Variants in ITCH observed in about 807,000 individuals in gnomAD.
ITCH encodes itchy E3 ubiquitin protein ligase.
A neutral mutation model predicts 126.8 loss-of-function variants in ITCH; 28 were observed. The ratio of observed to expected loss-of-function variants is 0.22; its 90% CI spans 0.16 to 0.30. The LOEUF (loss-of-function observed/expected upper bound fraction) is 0.30. ITCH is among the 10% of genes least tolerant of loss of function. The probability of loss-of-function intolerance (pLI) is 1.00; values close to 1 mark genes in which losing one functional copy is unlikely to be tolerated. For missense variants in ITCH, 631 were observed against 1,032.4 expected (o/e 0.61, Z 5.33); for synonymous variants, 342 against 340.0 (o/e 1.01, Z -0.06).
intron 6 of ITCH, among the ~76,000 whole-genome samples, chr20:34,423,847 C>T (rs891113882): frequency 9.2e-5 from 14 of 152,276 alleles, no homozygotes; most frequent in African/African-American, 3.1e-4. Context: ...AGGTGATTCG[C>T]CCACCTTGGC....
chr20:34,398,212 G>A (rs879845116), intron 3 of ITCH, among the ~76,000 whole-genome samples: 2 of 151,742 alleles, frequency 1.3e-5, no homozygotes, highest in East Asian at 3.9e-4. Flanking sequence ...ACAAGTGTGC[G>A]CCACCACACC....
At position 34,510,267 on chromosome 20, in the gene ITCH, A is replaced by G. The variant is rs1978629686; in HGVS notation, c.*2473A>G. ...TCAGAGGTTATATAAAAATACTGCAAATAGACCGCAGACATAAATATCTAC... is the reference window on the plus strand; with the variant it reads ...TCAGAGGTTATATAAAAATACTGCAGATAGACCGCAGACATAAATATCTAC... On this transcript the variant is annotated 3_prime_UTR_variant, in exon 25 of 25. Transcript: ENST00000374864. 1.3e-5 allele frequency: 2 copies of G among 152,726 alleles called. No homozygotes were observed. Among genetic ancestry groups the G allele is most frequent in the South Asian group, 4.1e-4 (2 of 4,832 alleles). 9.5% of individuals were successfully genotyped at this position (152,726 alleles called of 1,614,324 possible).
At chr20:34,378,533 A>G (rs1166639237) in intron 2 of ITCH, among the ~76,000 whole-genome samples, 2 of 151,642 alleles carry the variant, frequency 1.3e-5, no homozygotes, top group East Asian at 1.9e-4. Context: ...GATATAGCAA[A>G]GTTTTTCTCA....
intron 3 of ITCH, chr20:34,402,220 C>A: frequency 7.0e-7 from 1 of 1,424,108 alleles, no homozygotes; most frequent in Middle Eastern, 2.1e-4. Context: ...TCGTCAAATA[C>A]ATTCTTTAGG....
At chr20:34,408,905 C>A in intron 4 of ITCH, 113 bp downstream of exon 4, 2 of 1,070,456 alleles carry the variant, frequency 1.9e-6, no homozygotes, top group Non-Finnish European at 2.7e-6. Flanking sequence ...CCTCCTTTCT[C>A]TCTTCTTTTT....
At chr20:34,374,040 A>G (rs1011734608) in intron 2 of ITCH, among the ~76,000 whole-genome samples, 3 of 152,066 alleles carry the variant, frequency 2.0e-5, no homozygotes, top group African/African-American at 7.2e-5. Flanking sequence ...GCCCACCACC[A>G]CGCCTGGCTA....
At chr20:34,419,566 C>T (rs988798749) in intron 6 of ITCH, among the ~76,000 whole-genome samples, 11 of 152,008 alleles carry the variant, frequency 7.2e-5, no homozygotes, top group African/African-American at 2.7e-4. Flanking sequence ...ACTGCAACCT[C>T]CTTCCGGGTT....
intron 18 of ITCH, 140 bp downstream of exon 18, chr20:34,479,929 T>A: frequency 2.6e-6 from 2 of 771,366 alleles, no homozygotes; most frequent in Non-Finnish European, 4.3e-6. Context: ...GACAGAGTCT[T>A]GCTCTGTCAC....
At chr20:34,368,187 T>A (rs1204325127) in intron 1 of ITCH, among the ~76,000 whole-genome samples, 2 of 151,932 alleles carry the variant, frequency 1.3e-5, no homozygotes, top group East Asian at 3.9e-4. Context: ...GGAGAACCAC[T>A]TGAACCTGGG....
intron 2 of ITCH, among the ~76,000 whole-genome samples, chr20:34,383,836 CTTTTTTTTTTTTT>C (rs745864966): frequency 1.5e-5 from 1 of 68,670 alleles, no homozygotes; most frequent in South Asian, 5.1e-4. Flanking sequence ...GTCTGTAATT[CTTTTTTTTTTTTT>C]TTTTTTTTTT....
intron 7 of ITCH, among the ~76,000 whole-genome samples, chr20:34,435,403 A>C (rs943508639): frequency 2.2e-4 from 33 of 152,112 alleles, no homozygotes; most frequent in African/African-American, 8.0e-4. Context: ...TCCTGACCTC[A>C]AGTGATCTGT....
At chr20:34,417,156 G>C in intron 6 of ITCH, 1 of 684,384 alleles carries the variant, frequency 1.5e-6, no homozygotes, top group Non-Finnish European at 2.7e-6. Context: ...GAGTGCAATA[G>C]TGCGATCTCG....
chr20:34,445,315 C>T lies in ITCH; in HGVS notation c.994C>T (p.Arg332Cys), dbSNP rs1391208087. 3.1e-6 allele frequency: 5 copies of T among 1,599,908 alleles called. No individual in the cohort carries two copies. Among genetic ancestry groups the T allele is most frequent in the South Asian group, 1.1e-5 (1 of 90,792 alleles). The change falls in exon 11 of 25, where the codon CGT (arginine) becomes TGT (cysteine). Residue 332 changes from arginine to cysteine, a missense_variant. Transcript: ENST00000374864. ...GWERRVDNMG[R>C]IYYVDHFTRT... ...GGAACGGCGGGTTGACAACATGGGA[C>T]GTATTTATTATGTTGACCATTTCAC...
At chr20:34,367,458 T>C (rs889808614) in intron 1 of ITCH, among the ~76,000 whole-genome samples, 1 of 152,182 alleles carries the variant, frequency 6.6e-6, no homozygotes, top group Non-Finnish European at 1.5e-5. Flanking sequence ...AACTTGCTCA[T>C]TGAGTTTTAG....
chr20:34,386,404 GCC>G (rs1335464979), intron 2 of ITCH, among the ~76,000 whole-genome samples: 2 of 152,160 alleles, frequency 1.3e-5, no homozygotes, highest in Non-Finnish European at 2.9e-5. Flanking sequence ...TGACAGAGTA[GCC>G]CTGTCCAAGG....
intron 3 of ITCH, among the ~76,000 whole-genome samples, chr20:34,394,857 A>G (rs921476535): frequency 2.3e-4 from 35 of 152,178 alleles, no homozygotes; most frequent in African/African-American, 7.7e-4. Flanking sequence ...AGAATGTACA[A>G]TGGCCTGGGA....
intron 11 of ITCH, among the ~76,000 whole-genome samples, chr20:34,448,529 A>G (rs75496274): frequency 8.3e-4 from 126 of 152,276 alleles, no homozygotes; most frequent in African/African-American, 2.7e-3. Context: ...CAAAGTCTTG[A>G]TAAGTGTTGA....
chr20:34,413,745 A>G lies in ITCH; in HGVS notation c.341A>G (p.Glu114Gly). Reference sequence around the variant, plus strand: ...CTGTAACTTTATTTTCTTCCAGTTGAAGAAGTAGTTGTGACTTTGCAGCTT... The same window carrying G: ...CTGTAACTTTATTTTCTTCCAGTTGGAGAAGTAGTTGTGACTTTGCAGCTT... Reference protein sequence around the residue: ...ETLKSNNMKLEEVVVTLQLGG... With the variant: ...ETLKSNNMKLGEVVVTLQLGG... Residue 114 changes from glutamate to glycine, a missense_variant, in exon 6 of 25, where the codon GAA becomes GGA. Coordinates refer to ENST00000374864, the MANE Select transcript of ITCH (RefSeq NM_031483.7). 6.2e-7 allele frequency: 1 copy of G among 1,600,722 alleles called. No homozygotes were observed. The highest frequency in any genetic ancestry group is 8.5e-7 in the Non-Finnish European group (1 of 1,172,274).
Position 34,411,213 on chromosome 20 carries a change from G to A in ITCH, c.213-1302G>A, listed in dbSNP as rs140475062. 5.9e-5 allele frequency among the ~76,000 whole-genome samples: 9 copies of A among 152,124 alleles called. No individual in the cohort carries two copies. The East Asian group carries it at 7.7e-4, about 13-fold the overall frequency. ...CTCACCCAGGCTGGAGTGCAGTGGC[G>A]CGATCTCTGCTCACTGCAACCTCCA... is the stretch of plus-strand genomic sequence containing the variant. On this transcript the variant is annotated intron_variant, in intron 4 of 24. Transcript: ENST00000374864.
Sources: gnomAD v4.1 joint callset for allele counts (sites outside exome capture counted in the v4.1 genomes callset) on GRCh38, gnomAD v4.1.1 for gene constraint, MANE v1.5 for transcripts, NCBI Gene and HGNC (gene_info 2026-07-23, HGNC 2026-07-21) for gene names.